MDGA2: variants seen among roughly 807,000 people sequenced by gnomAD.
MDGA2 encodes MAM domain-containing glycosylphosphatidylinositol anchor protein 2.
In MDGA2, 40 loss-of-function variants were observed where a neutral mutation model predicts 117.8. The ratio of observed to expected loss-of-function variants is 0.34; its 90% confidence interval spans 0.26 to 0.44. MDGA2 has a LOEUF of 0.44. MDGA2 is among the 20% of genes least tolerant of loss of function. The pLI, the probability that MDGA2 is intolerant of heterozygous loss-of-function variation, is 1.00. For missense variants in MDGA2, 1,123 were observed against 1,250.6 expected (o/e 0.90, Z 1.54); for synonymous variants, 452 against 439.0 (o/e 1.03, Z -0.37).
Position 47,180,455 on chromosome 14 carries a change from C to T in MDGA2, c.596-36181G>A, listed in dbSNP as rs374623898. Among the ~76,000 whole-genome samples the T allele has an allele frequency of 1.1e-3, 168 of 152,218 alleles. 3 individuals are homozygous for T. Among genetic ancestry groups the T allele is most frequent in the African/African-American group, 3.8e-3 (158 of 41,532 alleles). ...AATTTTTTGCAAACTATGCGTCTGACAAAGGTGTACTATCTAGCATCTATA... is the reference window on the plus strand; with the variant it reads ...AATTTTTTGCAAACTATGCGTCTGATAAAGGTGTACTATCTAGCATCTATA... On this transcript the variant is annotated intron_variant, in intron 3 of 16. Transcript: ENST00000399232.
intron 2 of MDGA2, among the ~76,000 whole-genome samples, chr14:47,283,844 T>C (rs907906707): frequency 6.6e-6 from 1 of 152,002 alleles, no homozygotes; most frequent in Non-Finnish European, 1.5e-5. Context: ...GTTAGTTACA[T>C]TGGCTGTGCT....
chr14:46,999,397 T>C (rs1887421830), intron 8 of MDGA2, among the ~76,000 whole-genome samples: 1 of 152,086 alleles, frequency 6.6e-6, no homozygotes, highest in South Asian at 2.1e-4. Flanking sequence ...TTTGGAAAGG[T>C]ATTGCAAAAC....
At chr14:47,382,361 A>C (rs1427696802) in intron 1 of MDGA2, among the ~76,000 whole-genome samples, 5 of 152,204 alleles carry the variant, frequency 3.3e-5, no homozygotes, top group African/African-American at 9.7e-5. Context: ...AATGGGATCT[A>C]ATTAAACTAA....
intron 9 of MDGA2, among the ~76,000 whole-genome samples, chr14:46,946,624 C>T (rs1885179918): frequency 6.6e-6 from 1 of 152,030 alleles, no homozygotes; most frequent in Non-Finnish European, 1.5e-5. Flanking sequence ...ATGTAGTCAA[C>T]AAACAGTTAC....
intron 1 of MDGA2, among the ~76,000 whole-genome samples, chr14:47,660,813 A>G (rs1425784237): frequency 6.6e-6 from 1 of 152,248 alleles, no homozygotes; most frequent in Non-Finnish European, 1.5e-5. Context: ...TCTGCAGAAT[A>G]TGTAGTAGAA....
At chr14:46,993,618 C>T (rs185095423) in intron 8 of MDGA2, among the ~76,000 whole-genome samples, 155 of 151,930 alleles carry the variant, frequency 1.0e-3, no homozygotes, top group African/African-American at 3.4e-3. Context: ...CATGCCACCA[C>T]GCCCAGCTAA....
At chr14:47,551,278 C>G (rs766309559) in intron 1 of MDGA2, among the ~76,000 whole-genome samples, 1 of 152,122 alleles carries the variant, frequency 6.6e-6, no homozygotes, top group Non-Finnish European at 1.5e-5. Context: ...CACAGACCAG[C>G]CTTTAACTTA....
intron 1 of MDGA2, among the ~76,000 whole-genome samples, chr14:47,527,410 G>C (rs1231414226): frequency 6.6e-6 from 1 of 152,138 alleles, no homozygotes; most frequent in Non-Finnish European, 1.5e-5. Context: ...GGAAGGAGTA[G>C]AAAAAGGAAG....
chr14:47,437,747 A>G (rs966863008), intron 1 of MDGA2, among the ~76,000 whole-genome samples: 4 of 152,258 alleles, frequency 2.6e-5, no homozygotes, highest in Non-Finnish European at 4.4e-5. Context: ...TAAATTAAAC[A>G]AACAAGCACA....
chr14:47,399,348 T>C (rs947938953), intron 1 of MDGA2, among the ~76,000 whole-genome samples: 5 of 151,950 alleles, frequency 3.3e-5, no homozygotes, highest in South Asian at 2.1e-4. Context: ...CCCACAGAAA[T>C]TGCAAAATGG....
intron 1 of MDGA2, among the ~76,000 whole-genome samples, chr14:47,608,018 A>T (rs1023456233): frequency 6.6e-6 from 1 of 152,036 alleles, no homozygotes; most frequent in Non-Finnish European, 1.5e-5. Context: ...GCTCTAAAAG[A>T]CTTGTCATTA....
At chr14:47,096,731 G>T (rs1381676808) in intron 6 of MDGA2, 123 bp downstream of exon 6, 2 of 974,070 alleles carry the variant, frequency 2.1e-6, no homozygotes, top group Non-Finnish European at 3.1e-6. Context: ...ATTTATACAT[G>T]ATTTTATCTG....
chr14:46,957,516 A>G lies in MDGA2; in HGVS notation c.1947T>C (p.Asn649=). The part of the protein sequence containing the change: ...RVLTYEWRLG[N]KLLRTGQFDS... ...CAAATTGACCCGTCCGTAATAATTT[A>G]TTGCCCAAGCGCCACTCATAGGTCA... The change falls in exon 9 of 17, where the codon AAT becomes AAC. Residue 649 remains asparagine (N), a synonymous_variant. Coordinates refer to ENST00000399232, the MANE Select transcript of MDGA2 (RefSeq NM_001113498.3). The G allele has an allele frequency of 6.2e-7, 1 of 1,614,110 alleles. No homozygotes were observed. The highest frequency in any genetic ancestry group is 8.5e-7 in the Non-Finnish European group (1 of 1,180,006).
At chr14:47,505,247 C>G (rs1349810309) in intron 1 of MDGA2, among the ~76,000 whole-genome samples, 2 of 152,026 alleles carry the variant, frequency 1.3e-5, no homozygotes, top group Admixed American at 1.3e-4. Flanking sequence ...TCAACAGGTG[C>G]GAACTTACAA....
intron 9 of MDGA2, among the ~76,000 whole-genome samples, chr14:46,948,552 T>C (rs1343581484): frequency 6.6e-6 from 1 of 151,962 alleles, no homozygotes; most frequent in Non-Finnish European, 1.5e-5. Flanking sequence ...TTGGGTGTGG[T>C]CTAGCTTGAG....
At chr14:47,023,584 A>G (rs2138596180) in intron 8 of MDGA2, among the ~76,000 whole-genome samples, 1 of 152,336 alleles carries the variant, frequency 6.6e-6, no homozygotes, top group East Asian at 1.9e-4. Context: ...TCTTTAATTC[A>G]GAATACAATA....
At chr14:47,501,946 A>G (rs1008408032) in intron 1 of MDGA2, among the ~76,000 whole-genome samples, 3 of 152,224 alleles carry the variant, frequency 2.0e-5, no homozygotes, top group Non-Finnish European at 2.9e-5. Context: ...AATACATTAT[A>G]TAAGTATTTA....
At chr14:46,903,421 A>T (rs1883368290) in intron 10 of MDGA2, among the ~76,000 whole-genome samples, 1 of 152,188 alleles carries the variant, frequency 6.6e-6, no homozygotes, top group Admixed American at 6.5e-5. Context: ...ACAGTTACTT[A>T]TATACCTTGA....
At chr14:47,464,777 T>C (rs764860269) in intron 1 of MDGA2, among the ~76,000 whole-genome samples, 31 of 152,136 alleles carry the variant, frequency 2.0e-4, no homozygotes, top group Non-Finnish European at 3.8e-4. Flanking sequence ...GACTCAATGC[T>C]ATTCCTATCA....
Sources: allele counts gnomAD v4.1 joint callset (sites outside exome capture counted in the v4.1 genomes callset), GRCh38; gene constraint gnomAD v4.1.1; transcripts MANE v1.5; gene names NCBI Gene and HGNC (gene_info 2026-07-23, HGNC 2026-07-21).